The following CPAMD8 variants were observed in gnomAD, a reference collection of about 807,000 sequenced individuals.
The protein encoded by CPAMD8 is C3 and PZP like alpha-2-macroglobulin domain containing 8.
CPAMD8 carries 146 observed loss-of-function variants against 224.7 expected under a neutral mutation model. That is an observed-to-expected ratio of 0.65 (90% confidence interval 0.57 to 0.75). The LOEUF is 0.75. Among genes scored for constraint, CPAMD8 ranks in the 30% least tolerant of loss-of-function variants. The probability of loss-of-function intolerance (pLI) is 0.00; values close to 1 mark genes in which losing one functional copy is unlikely to be tolerated. For synonymous variants in CPAMD8, 966 were observed against 1,044.6 expected (o/e 0.92, Z 1.45); for missense variants, 2,301 against 2,537.5 (o/e 0.91, Z 2.00).
At position 16,896,334 on chromosome 19, in the gene CPAMD8, G is replaced by A; in HGVS notation, c.5276-8C>T. 3 of 1,600,026 alleles carry A rather than the reference G, an allele frequency of 1.9e-6. No homozygotes were observed. Among genetic ancestry groups the A allele is most frequent in the Non-Finnish European group, 2.6e-6 (3 of 1,173,010 alleles). On this transcript the variant is annotated splice_region_variant and splice_polypyrimidine_tract_variant and intron_variant, in intron 40 of 41. Transcript: ENST00000443236. The stretch of plus-strand genomic sequence containing the variant: ...AGGCCGGCAGCCGCTGCTCTGGAAG[G>A]AAGGGGGCCTCGGTCGGGAGGGCGT...
At chr19:17,018,208 G>A (rs2056861884) in intron 3 of CPAMD8, among the ~76,000 whole-genome samples, 1 of 152,120 alleles carries the variant, frequency 6.6e-6, no homozygotes, top group African/African-American at 2.4e-5. Context: ...CTTTGAGCAT[G>A]TGGTAAAAGT....
At chr19:17,018,556 C>T (rs528754052) in intron 3 of CPAMD8, among the ~76,000 whole-genome samples, 35 of 152,078 alleles carry the variant, frequency 2.3e-4, no homozygotes, top group African/African-American at 6.0e-4. Flanking sequence ...AACATTCTGG[C>T]GACTTAAGGA....
rs115711148 is a variant in CPAMD8, at chr19:17,000,387, G to C, written c.867+27C>G. 16 of 876,818 alleles carry C rather than the reference G, an allele frequency of 1.8e-5. No homozygotes were observed. The East Asian group carries it at 3.1e-4, about 17-fold the overall frequency. 54.3% of individuals were successfully genotyped at this position (876,818 alleles called of 1,614,324 possible). A position where few individuals can be genotyped will look rare whatever the true frequency, so the allele number is the denominator to read the frequency against. On this transcript the variant is annotated intron_variant, in intron 10 of 41. Transcript: ENST00000443236. ...GAGGTGAACCTGGGGGTTGGGTCAG[G>C]GGGTAGAAGGGGTCCCTGTTTCTCA...
At chr19:16,988,930 T>A (rs149946487) in intron 13 of CPAMD8, among the ~76,000 whole-genome samples, 329 of 152,262 alleles carry the variant, frequency 2.2e-3, no homozygotes, top group African/African-American at 7.4e-3. Context: ...TTAGATTCTC[T>A]CAGGAGTGTG....
intron 13 of CPAMD8, among the ~76,000 whole-genome samples, chr19:16,987,188 A>ATATATATATATATATG (rs2055772120): frequency 1.0e-5 from 1 of 98,104 alleles, no homozygotes; most frequent in African/African-American, 4.4e-5. Context: ...AAATATATAT[A>ATATATATATATATATG]TATATATATA....
At chr19:16,921,875 G>A (rs867144466) in intron 27 of CPAMD8, 30 bp downstream of exon 27, 3 of 1,481,688 alleles carry the variant, frequency 2.0e-6, no homozygotes, top group East Asian at 4.9e-5. Flanking sequence ...GGGAGCCTCA[G>A]AGGCAATGCC....
chr19:16,976,062 G>A lies in CPAMD8; in HGVS notation c.1848C>T (p.Val616=), dbSNP rs747096894. The A allele has an allele frequency of 4.7e-5, 75 of 1,611,696 alleles. No homozygotes were observed. The highest frequency in any genetic ancestry group is 2.3e-4 in the South Asian group (21 of 90,848). The part of the protein sequence containing the change: ...IRAARGSCVC[V]AAVDKSVYLL... ...GGTAGACACTCTTATCAACTGCGGC[G>A]ACGCACACACAGCTGCCCCTTGCAG... Residue 616 remains valine, a synonymous_variant, in exon 16 of 42, where the codon GTC becomes GTT. Coordinates refer to ENST00000443236, the MANE Select transcript of CPAMD8 (RefSeq NM_015692.5).
intron 22 of CPAMD8, among the ~76,000 whole-genome samples, chr19:16,942,334 T>C (rs971371356): frequency 3.9e-5 from 6 of 152,072 alleles, no homozygotes; most frequent in African/African-American, 1.4e-4. Context: ...TGGTGGTGCA[T>C]GCCTGTAGTC....
At chr19:16,951,699 C>T (rs2054300824) in intron 20 of CPAMD8, among the ~76,000 whole-genome samples, 1 of 152,134 alleles carries the variant, frequency 6.6e-6, no homozygotes, top group African/African-American at 2.4e-5. Context: ...ACACATGCGT[C>T]CCCACCTCCT....
intron 13 of CPAMD8, among the ~76,000 whole-genome samples, chr19:16,982,021 T>A (rs1319892755): frequency 1.3e-5 from 2 of 152,190 alleles, no homozygotes; most frequent in African/African-American, 4.8e-5. Flanking sequence ...TTTGTTAGGC[T>A]GAGGTGGGTG....
intron 25 of CPAMD8, among the ~76,000 whole-genome samples, chr19:16,926,880 A>G (rs2053383755): frequency 6.6e-6 from 1 of 152,184 alleles, no homozygotes; most frequent in Non-Finnish European, 1.5e-5. Context: ...CTCGTGCCTC[A>G]GGAATTGTAA....
chr19:16,924,144 T>A (rs575580959), intron 26 of CPAMD8, among the ~76,000 whole-genome samples: 1 of 152,170 alleles, frequency 6.6e-6, no homozygotes, highest in East Asian at 1.9e-4. Context: ...GACACCTTTA[T>A]TTTTGACTTT....
At chr19:16,894,118 A>C (rs1474482717) in intron 41 of CPAMD8, 1 of 205,180 alleles carries the variant, frequency 4.9e-6, no homozygotes, top group Admixed American at 4.7e-5. Context: ...AATGATGCCC[A>C]GCTCCAAGGC....
In CPAMD8 at chr19:16,938,418, T is replaced by C. The variant is rs1184882695; in HGVS notation, c.2822A>G (p.Tyr941Cys). ...ACCACTGGGACAGAAGAATGCGCTGTAGGTGTACGCCCGGGGGACTCCTTC... is the reference window on the plus strand; with the variant it reads ...ACCACTGGGACAGAAGAATGCGCTGCAGGTGTACGCCCGGGGGACTCCTTC... Reference protein sequence around the residue: ...EAEGVPRAYTYSAFFCPSERV... With the variant: ...EAEGVPRAYTCSAFFCPSERV... The change falls in exon 23 of 42, where the codon TAC becomes TGC. Residue 941 changes from tyrosine to cysteine, a missense_variant. Around this residue, in one of 4 missense-constraint regions of CPAMD8, gnomAD observed 1,709 missense variants for 1,753.2 expected, o/e 0.97. Transcript: ENST00000443236. 4 of 1,574,490 alleles carry C rather than the reference T, an allele frequency of 2.5e-6. No individual in the cohort carries two copies. Among genetic ancestry groups the C allele is most frequent in the South Asian group, 2.3e-5 (2 of 85,634 alleles).
At chr19:16,924,190 G>T (rs1410634859) in intron 26 of CPAMD8, among the ~76,000 whole-genome samples, 1 of 151,812 alleles carries the variant, frequency 6.6e-6, no homozygotes, top group African/African-American at 2.4e-5. Context: ...ACACATTTCT[G>T]TCGTTCTAAG....
In CPAMD8 at chr19:16,997,207, G is replaced by T; in HGVS notation, c.999C>A (p.Phe333Leu). 1 of 1,574,566 alleles carries T rather than the reference G, an allele frequency of 6.4e-7. No individual in the cohort carries two copies. The highest frequency in any genetic ancestry group is 8.7e-7 in the Non-Finnish European group (1 of 1,144,216). The change falls in exon 11 of 42, where the codon TTC becomes TTA. Residue 333 changes from phenylalanine (F) to leucine (L), a missense_variant. By Grantham distance (22) the Phe-to-Leu change is conservative (BLOSUM62 0). This residue lies in a region of CPAMD8 where 301 missense variants were observed against 406.6 expected (regional missense o/e 0.74). Coordinates refer to ENST00000443236, the MANE Select transcript of CPAMD8 (RefSeq NM_015692.5). ...GCCTCTGCACGGGGGTGGAGTCATC[G>T]AACGCGACCTGCTGGCTCCCGTCCA... Reference protein sequence around the residue: ...TSVDGSQQVAFDDSTPVQRQL... With the variant: ...TSVDGSQQVALDDSTPVQRQL...
chr19:16,901,341 C>T, intron 35 of CPAMD8, 44 bp from the exon 36 acceptor site: 5 of 1,349,570 alleles, frequency 3.7e-6, no homozygotes, highest in Non-Finnish European at 5.3e-6. Flanking sequence ...AGCTCAAGCC[C>T]AGAGGTGGAA....
At chr19:16,928,304 A>G (rs1361621228) in intron 24 of CPAMD8, 70 bp from the exon 25 acceptor site, 12 of 1,301,884 alleles carry the variant, frequency 9.2e-6, no homozygotes, top group Non-Finnish European at 1.3e-5. Flanking sequence ...TGGCAGTGAC[A>G]CCAGCTTTGT....
intron 22 of CPAMD8, among the ~76,000 whole-genome samples, chr19:16,939,673 C>A (rs2053820660): frequency 1.3e-5 from 2 of 152,086 alleles, no homozygotes. Context: ...GAGTGGGCAC[C>A]ATCCAAGCTG....
Sources: allele counts gnomAD v4.1 joint callset (sites outside exome capture counted in the v4.1 genomes callset), GRCh38; gene constraint gnomAD v4.1.1; regional missense constraint gnomAD v4.1.1; transcripts MANE v1.5; gene names NCBI Gene and HGNC (gene_info 2026-07-23, HGNC 2026-07-21).